The following ATP11A variants were observed in gnomAD, a reference collection of about 807,000 sequenced individuals.
ATP11A encodes ATPase phospholipid transporting 11A.
Under a neutral mutation model 154.4 loss-of-function variants are expected in ATP11A, and 81 were observed. The ratio of observed to expected loss-of-function variants is 0.52; its 90% CI spans 0.44 to 0.63. The LOEUF is 0.63. Ranked by LOEUF, ATP11A falls within the 30% of genes least tolerant of loss-of-function variation. The pLI, the probability that ATP11A is intolerant of heterozygous loss-of-function variation, is 0.00. For missense variants in ATP11A, 1,316 were observed against 1,474.3 expected, an observed-to-expected ratio of 0.89 and a Z score of 1.76; for synonymous variants, 623 against 585.9, an observed-to-expected ratio of 1.06 and a Z score of -0.91.
At chr13:112,880,867 A>G (rs2080865415) in intron 29 of ATP11A, 11 of 1,053,164 alleles carry the variant, frequency 1.0e-5, no homozygotes, top group Non-Finnish European at 1.3e-5. Flanking sequence ...ACACGTGTGC[A>G]CACTCACCCC....
At chr13:112,698,335 G>T (rs1255419519) in intron 1 of ATP11A, among the ~76,000 whole-genome samples, 2 of 152,182 alleles carry the variant, frequency 1.3e-5, no homozygotes, top group Admixed American at 1.3e-4. Flanking sequence ...GGAGGACACA[G>T]GCTTTTCTGG....
intron 1 of ATP11A, among the ~76,000 whole-genome samples, chr13:112,739,109 AAGAT>A (rs563542898): frequency 3.3e-4 from 50 of 152,352 alleles, no homozygotes; most frequent in Non-Finnish European, 5.6e-4. Context: ...ACCAAAGAAA[AAGAT>A]AGATAAATTG....
rs769688583 is a variant in ATP11A, at chr13:112,785,222, C to CAG, written c.131_132dup (p.Tyr45AspfsTer29). Reference sequence around the variant, plus strand: ...TCCGGGCGCAGAGGCCTACATCCCACAGAGATACCCAGACAACAGGATCGT... The same window carrying CAG: ...TCCGGGCGCAGAGGCCTACATCCCACAGAGAGATACCCAGACAACAGGATCGT... On this transcript the variant is annotated frameshift_variant, in exon 2 of 30. Transcript: ENST00000375645. LOFTEE classifies it high-confidence loss of function. The surrounding 1 kb of genome is among the most constrained non-coding windows in gnomAD (Gnocchi z 4.8). 1 of 1,563,804 alleles carries CAG rather than the reference C, an allele frequency of 6.4e-7. No individual in the cohort carries two copies. Among genetic ancestry groups the CAG allele is most frequent in the Non-Finnish European group, 8.6e-7 (1 of 1,156,290 alleles).
At position 112,851,053 on chromosome 13, in the gene ATP11A, T is replaced by G. The variant is rs2079750007; in HGVS notation, c.1826T>G (p.Leu609Trp). The G allele has an allele frequency of 6.2e-7, 1 of 1,613,872 alleles. No individual in the cohort carries two copies. Among genetic ancestry groups the G allele is most frequent in the African/African-American group, 1.3e-5 (1 of 74,910 alleles). ...GTTCTGCAGGAGGGGCTCCGAACTT[T>G]GTGTGTTGCTTATAAAAGGCTGATC... ...ERNAVEGLRT[L>W]CVAYKRLIQE... is the part of the protein sequence containing the mutation. The change falls in exon 18 of 30, where the codon TTG (leucine) becomes TGG (tryptophan). Residue 609 changes from leucine (L) to tryptophan (W), a missense_variant. Around this residue, in one of 5 missense-constraint regions of ATP11A, gnomAD observed 876 missense variants for 1,006.8 expected, o/e 0.87. Transcript: ENST00000375645.
In ATP11A at chr13:112,705,859, A is replaced by G. The variant is rs544986347; in HGVS notation, c.39+15404A>G. The stretch of plus-strand genomic sequence containing the variant: ...GCTTTATTGAACGAATATACAATAC[A>G]TTGATTTATAGGTAATTTTTTTATT... On this transcript the variant is annotated intron_variant, in intron 1 of 29. Transcript: ENST00000375645. 2.6e-5 allele frequency among the ~76,000 whole-genome samples: 4 copies of G among 152,352 alleles called. No individual in the cohort carries two copies. In the South Asian group the frequency reaches 8.3e-4, roughly 32 times the overall value.
rs751984887 is a variant in ATP11A, at chr13:112,832,962, A to G, written c.1498A>G (p.Lys500Glu). 6.2e-7 allele frequency: 1 copy of G among 1,613,544 alleles called. No individual in the cohort carries two copies. Among genetic ancestry groups the G allele is most frequent in the Admixed American group, 1.7e-5 (1 of 59,988 alleles). The change falls in exon 14 of 30, where the codon AAA (lysine) becomes GAA (glutamate). Residue 500 changes from lysine (K) to glutamate (E), a missense_variant. Coordinates refer to ENST00000375645, the MANE Select transcript of ATP11A (RefSeq NM_015205.3). ...CCCCAGGAAATCGCCGGACGGGGGG[A>G]AATCCTGTGTGTACATCTCATCCTC... ...DGPRKSPDGG[K>E]SCVYISSSPD...
chr13:112,736,804 T>G (rs1009211513), intron 1 of ATP11A, among the ~76,000 whole-genome samples: 8 of 152,142 alleles, frequency 5.3e-5, no homozygotes, highest in Non-Finnish European at 7.3e-5. Context: ...AGATTTAAAT[T>G]AAAAACTTTT....
intron 1 of ATP11A, among the ~76,000 whole-genome samples, chr13:112,782,886 G>T (rs2077533799): frequency 1.3e-5 from 2 of 152,250 alleles, no homozygotes; most frequent in South Asian, 4.1e-4. Context: ...CCCTGGCCTG[G>T]TGGCTGCCTT....
chr13:112,845,780 AACCAG>A (rs2079582547), intron 17 of ATP11A, among the ~76,000 whole-genome samples: 1 of 92,392 alleles, frequency 1.1e-5, no homozygotes, highest in Non-Finnish European at 2.2e-5. Flanking sequence ...TAGCGGTACT[AACCAG>A]TCCAGTTTCC....
At chr13:112,694,110 T>C (rs1885514889) in intron 1 of ATP11A, among the ~76,000 whole-genome samples, 1 of 152,230 alleles carries the variant, frequency 6.6e-6, no homozygotes, top group South Asian at 2.1e-4. Flanking sequence ...AGATACTCTC[T>C]GGGCAGTGGC....
chr13:112,810,662 A>T lies in ATP11A; in HGVS notation c.377A>T (p.Asn126Ile). ...CGACATAAAGCAGACAATGCCATGA[A>T]CCAGTGTCCTGTTCATTTCATTCAG... Reference protein sequence around the residue: ...WLRHKADNAMNQCPVHFIQHG... With the variant: ...WLRHKADNAMIQCPVHFIQHG... Residue 126 changes from asparagine (N) to isoleucine (I), a missense_variant, in exon 5 of 30, where the codon AAC (asparagine) becomes ATC (isoleucine). By Grantham distance (149) the Asn-to-Ile change is moderately radical. This residue lies in a region of ATP11A where 876 missense variants were observed against 1,006.8 expected (regional missense o/e 0.87). Coordinates refer to ENST00000375645, the MANE Select transcript of ATP11A (RefSeq NM_015205.3). 1.9e-6 allele frequency: 3 copies of T among 1,614,114 alleles called. No individual in the cohort carries two copies.
At chr13:112,742,747 G>T (rs1224297257) in intron 1 of ATP11A, among the ~76,000 whole-genome samples, 1 of 152,196 alleles carries the variant, frequency 6.6e-6, no homozygotes, top group Admixed American at 6.5e-5. Context: ...AGTGTGGCTG[G>T]ATCTCAGGGG....
chr13:112,806,898 T>C (rs1482347323), intron 4 of ATP11A, among the ~76,000 whole-genome samples: 1 of 152,220 alleles, frequency 6.6e-6, no homozygotes, highest in Non-Finnish European at 1.5e-5. Context: ...AGGCGGTGTT[T>C]TGTGACTGGC....
At chr13:112,721,563 A>G (rs1423408424) in intron 1 of ATP11A, among the ~76,000 whole-genome samples, 8 of 152,194 alleles carry the variant, frequency 5.3e-5, no homozygotes, top group Non-Finnish European at 1.0e-4. Flanking sequence ...TCAAAGATGG[A>G]ACGGGGATGT....
At chr13:112,715,194 G>A (rs1285141526) in intron 1 of ATP11A, among the ~76,000 whole-genome samples, 1 of 152,104 alleles carries the variant, frequency 6.6e-6, no homozygotes, top group African/African-American at 2.4e-5. Context: ...TTTCCTGACC[G>A]AAAGCTTCTC....
At chr13:112,809,735 C>T (rs1594767704) in intron 4 of ATP11A, among the ~76,000 whole-genome samples, 3 of 152,278 alleles carry the variant, frequency 2.0e-5, no homozygotes, top group Admixed American at 2.0e-4. Context: ...AACGGCATTC[C>T]CCATCCTTAT....
In ATP11A at chr13:112,857,386, A is replaced by G. The variant is rs547905141; in HGVS notation, c.2419-432A>G. On this transcript the variant is annotated intron_variant, in intron 20 of 29. Transcript: ENST00000375645. ...TGTTTAGAAATAGATGCTTTATACC[A>G]AATAGCTTGAAGTACCTTGGAATAG... Among the ~76,000 whole-genome samples, 11 of 152,364 alleles carry G rather than the reference A, an allele frequency of 7.2e-5. No individual in the cohort carries two copies. The East Asian group carries it at 1.9e-3, about 27-fold the overall frequency.
chr13:112,862,511 C>T lies in ATP11A; in HGVS notation c.2927C>T (p.Ala976Val). The T allele has an allele frequency of 4.3e-6, 7 of 1,614,188 alleles. No individual in the cohort carries two copies. The highest frequency in any genetic ancestry group is 5.9e-6 in the Non-Finnish European group (7 of 1,180,016). ...TGGACGCTCCTGGGACTGTTTGACG[C>T]ACTGGTGTTCTTCTTTGGTGCTTAT... ...IYWTLLGLFD[A>V]LVFFFGAYFV... is the part of the protein sequence containing the mutation. Residue 976 changes from alanine (A) to valine (V), a missense_variant, in exon 25 of 30, where the codon GCA becomes GTA. Physicochemically the swap from Ala to Val is moderately conservative, Grantham distance 64. Coordinates refer to ENST00000375645, the MANE Select transcript of ATP11A (RefSeq NM_015205.3).
intron 26 of ATP11A, among the ~76,000 whole-genome samples, chr13:112,872,506 G>A (rs1594242610): frequency 6.6e-6 from 1 of 152,364 alleles, no homozygotes; most frequent in East Asian, 1.9e-4. Flanking sequence ...AGCTACTTGG[G>A]AGGCTGAGGC....
Sources: allele counts gnomAD v4.1 joint callset (sites outside exome capture counted in the v4.1 genomes callset), GRCh38; gene constraint gnomAD v4.1.1; regional missense constraint gnomAD v4.1.1; non-coding constraint Gnocchi (gnomAD v3.1); transcripts MANE v1.5; gene names NCBI Gene and HGNC (gene_info 2026-07-23, HGNC 2026-07-21).